The following FBN2 variants were observed in gnomAD, a reference collection of about 807,000 sequenced individuals.
FBN2 encodes the protein fibrillin-2.
FBN2 carries 105 observed loss-of-function variants against 355.6 expected under a neutral mutation model. The ratio of observed to expected loss-of-function variants is 0.30; its 90% CI spans 0.25 to 0.35. The LOEUF is 0.35. FBN2 is among the 10% of genes least tolerant of loss of function. The pLI is 1.00. For missense variants in FBN2, 3,280 were observed against 3,758.7 expected (o/e 0.87, Z 3.33); for synonymous variants, 1,350 against 1,301.2 (o/e 1.04, Z -0.81).
chr5:128,487,896 T>C (rs1755381190), intron 5 of FBN2, among the ~76,000 whole-genome samples: 1 of 152,096 alleles, frequency 6.6e-6, no homozygotes, highest in Non-Finnish European at 1.5e-5. Flanking sequence ...AATTTAGAGA[T>C]CATTAAAGGA....
chr5:128,382,549 TAGC>T (rs1407823443), intron 11 of FBN2, among the ~76,000 whole-genome samples: 11 of 152,180 alleles, frequency 7.2e-5, no homozygotes. Flanking sequence ...ACATTCCTCT[TAGC>T]ATTAGAGCTC....
intron 7 of FBN2, among the ~76,000 whole-genome samples, chr5:128,411,882 C>T (rs998449872): frequency 6.6e-6 from 1 of 152,198 alleles, no homozygotes; most frequent in African/African-American, 2.4e-5. Flanking sequence ...AGGATACATG[C>T]ATTTAGCTCT....
chr5:128,363,099 A>G (rs1751679228), intron 18 of FBN2, among the ~76,000 whole-genome samples: 1 of 152,130 alleles, frequency 6.6e-6, no homozygotes, highest in African/African-American at 2.4e-5. Context: ...AGCTTTTCCC[A>G]TAATAGTGTA....
chr5:128,477,950 A>T (rs763630195), intron 5 of FBN2, among the ~76,000 whole-genome samples: 1 of 152,168 alleles, frequency 6.6e-6, no homozygotes, highest in Non-Finnish European at 1.5e-5. Flanking sequence ...GGTTTATTCA[A>T]TGCTTCACTG....
chr5:128,337,880 T>C, intron 27 of FBN2, 117 bp downstream of exon 27: 1 of 1,130,370 alleles, frequency 8.8e-7, no homozygotes, highest in South Asian at 1.3e-5. Flanking sequence ...AATCTCAATT[T>C]CCACCTTTTA....
At chr5:128,512,512 CAAAAAAAAAAAA>C (rs1158661549) in intron 5 of FBN2, among the ~76,000 whole-genome samples, 1 of 60,682 alleles carries the variant, frequency 1.6e-5, no homozygotes, top group Non-Finnish European at 3.1e-5. Flanking sequence ...GAACCCGTCT[CAAAAAAAAAAAA>C]AAAAAAAAAA....
At chr5:128,384,633 C>A (rs1348867868) in intron 11 of FBN2, among the ~76,000 whole-genome samples, 1 of 152,020 alleles carries the variant, frequency 6.6e-6, no homozygotes, top group Non-Finnish European at 1.5e-5. Context: ...TTAAGAGCTT[C>A]ATTTTCCTCC....
chr5:128,309,550 A>C, intron 40 of FBN2, 151 bp from the exon 41 acceptor site: 1 of 656,630 alleles, frequency 1.5e-6, no homozygotes, highest in Non-Finnish European at 2.7e-6. Context: ...AACTCCTTAA[A>C]CATAAATCAT....
intron 37 of FBN2, among the ~76,000 whole-genome samples, chr5:128,312,253 A>G (rs1349786442): frequency 1.3e-5 from 2 of 152,222 alleles, no homozygotes; most frequent in Non-Finnish European, 1.5e-5. Context: ...GTTCATGTTC[A>G]TATCAGATGT....
intron 11 of FBN2, among the ~76,000 whole-genome samples, chr5:128,383,837 A>T (rs147112393): frequency 2.6e-4 from 39 of 152,238 alleles, no homozygotes; most frequent in Admixed American, 1.4e-3. Context: ...GGAGTAACTG[A>T]TACTCTCATA....
chr5:128,355,272 C>T (rs995914704), intron 20 of FBN2, among the ~76,000 whole-genome samples: 11 of 152,054 alleles, frequency 7.2e-5, no homozygotes, highest in African/African-American at 2.2e-4. Flanking sequence ...GAAGACAGAG[C>T]GCAGACCCAA....
chr5:128,266,148 C>T (rs1360066189), intron 62 of FBN2, among the ~76,000 whole-genome samples: 3 of 152,082 alleles, frequency 2.0e-5, no homozygotes, highest in African/African-American at 7.2e-5. Flanking sequence ...AATCTAATGG[C>T]GTTACATGAA....
chr5:128,285,552 A>G (rs985337525), intron 55 of FBN2, among the ~76,000 whole-genome samples: 5 of 152,170 alleles, frequency 3.3e-5, no homozygotes, highest in African/African-American at 1.2e-4. Flanking sequence ...GTAAGTTCAG[A>G]GGATGATAGA....
rs150627604 is a variant in FBN2 at position 128,300,845 on chromosome 5, C to A, written c.6138G>T (p.Gly2046=). 58 of 1,613,914 alleles carry A rather than the reference C, an allele frequency of 3.6e-5. No homozygotes were observed. Among genetic ancestry groups the A allele is most frequent in the African/African-American group, 1.3e-5 (1 of 74,924 alleles). ...EGSFRCICPP[G]YEVKSENCID... The stretch of plus-strand genomic sequence containing the variant: ...TGCAGTTCTCGCTTTTTACTTCATA[C>A]CCTGGGGGACAGATGCATCTGAAGG... The change falls in exon 48 of 65, where the codon GGG becomes GGT. Residue 2046 remains glycine, a synonymous_variant. Coordinates refer to ENST00000262464, the MANE Select transcript of FBN2 (RefSeq NM_001999.4).
chr5:128,408,791 C>A lies in FBN2; in HGVS notation c.961G>T (p.Glu321Ter). The change falls in exon 8 of 65, where the codon GAG becomes TAG. Residue 321 changes from glutamate to a stop codon, truncating the protein, a stop_gained. Transcript: ENST00000262464. LOFTEE classifies it high-confidence loss of function. ...ETTQKCEDID[E>*]CSIIPGICET... ...CATATCCCAGGAATGATGCTGCACTCATCAATGTCTAATCAAGGGAAGAAG... is the reference window on the plus strand; with the variant it reads ...CATATCCCAGGAATGATGCTGCACTAATCAATGTCTAATCAAGGGAAGAAG... 1 of 1,613,892 alleles carries A rather than the reference C, an allele frequency of 6.2e-7. No individual in the cohort carries two copies. The highest frequency in any genetic ancestry group is 2.2e-5 in the East Asian group (1 of 44,852).
At chr5:128,499,456 G>GTCCTATGGC (rs1360613861) in intron 5 of FBN2, among the ~76,000 whole-genome samples, 1 of 152,106 alleles carries the variant, frequency 6.6e-6, no homozygotes, top group East Asian at 1.9e-4. Context: ...TTGGCCATGG[G>GTCCTATGGC]TCCTATGGCT....
intron 5 of FBN2, among the ~76,000 whole-genome samples, chr5:128,504,479 G>T (rs1219766977): frequency 6.6e-6 from 1 of 152,168 alleles, no homozygotes; most frequent in Non-Finnish European, 1.5e-5. Context: ...CAAGACCATG[G>T]GGACCCACCT....
chr5:128,395,340 T>C, intron 8 of FBN2, 66 bp from the exon 9 acceptor site: 1 of 1,552,558 alleles, frequency 6.4e-7, no homozygotes, highest in South Asian at 1.1e-5. Context: ...ACAATCACTG[T>C]ACATGAGATG....
chr5:128,309,906 A>G, intron 40 of FBN2, 77 bp downstream of exon 40: 3 of 1,494,326 alleles, frequency 2.0e-6, no homozygotes, highest in Non-Finnish European at 2.8e-6. Flanking sequence ...ACTTCCAAAC[A>G]ATAATTCTGA....
Sources: allele counts gnomAD v4.1 joint callset (sites outside exome capture counted in the v4.1 genomes callset), GRCh38; gene constraint gnomAD v4.1.1; transcripts MANE v1.5; gene names NCBI Gene and HGNC (gene_info 2026-07-23, HGNC 2026-07-21).